Variants in PRKCE observed in about 807,000 individuals in gnomAD.
PRKCE encodes the protein protein kinase C epsilon.
PRKCE carries 16 observed loss-of-function variants against 85.4 expected under a neutral mutation model. That is an observed-to-expected ratio of 0.19 (90% confidence interval 0.13 to 0.28). PRKCE has a LOEUF of 0.28. Among genes scored for constraint, PRKCE ranks in the 10% least tolerant of loss-of-function variants. PRKCE has a pLI of 1.00. For missense variants in PRKCE, 573 were observed against 975.2 expected (o/e 0.59, Z 5.49); for synonymous variants, 388 against 371.5 (o/e 1.04, Z -0.51).
In PRKCE at chr2:45,843,027, T is replaced by C; in HGVS notation, c.376T>C (p.Tyr126His). 6.2e-7 allele frequency: 1 copy of C among 1,614,210 alleles called. No individual in the cohort carries two copies. The highest frequency in any genetic ancestry group is 8.5e-7 in the Non-Finnish European group (1 of 1,180,022). ...TGATCTGGAGCCAGAAGGAAGAGTG[T>C]ATGTGATCATCGATCTCTCAGGGTC... is the stretch of plus-strand genomic sequence containing the variant. ...WIDLEPEGRV[Y>H]VIIDLSGSSG... Residue 126 changes from tyrosine to histidine, a missense_variant, in exon 2 of 15, where the codon TAT (tyrosine) becomes CAT (histidine). Tyr to His is a moderately conservative substitution (Grantham distance 83, BLOSUM62 2). This residue lies in a region of PRKCE where 100 missense variants were observed against 177.1 expected (regional missense o/e 0.56). Coordinates refer to ENST00000306156, the MANE Select transcript of PRKCE (RefSeq NM_005400.3).
At chr2:46,013,509 T>G (rs1705863027) in intron 10 of PRKCE, among the ~76,000 whole-genome samples, 1 of 152,070 alleles carries the variant, frequency 6.6e-6, no homozygotes, top group African/African-American at 2.4e-5. Context: ...TAGAGAGGAT[T>G]TGGACAGGAT....
chr2:46,064,162 A>G (rs1667401978), intron 10 of PRKCE, among the ~76,000 whole-genome samples: 2 of 151,708 alleles, frequency 1.3e-5, no homozygotes, highest in East Asian at 1.9e-4. Context: ...CGTGCCTGTA[A>G]TCCCAGCTAC....
intron 11 of PRKCE, among the ~76,000 whole-genome samples, chr2:46,124,582 C>T (rs2104360498): frequency 6.6e-6 from 1 of 152,276 alleles, no homozygotes; most frequent in Middle Eastern, 3.4e-3. Flanking sequence ...CAGTTAGAGA[C>T]CCCCTCCTTC....
intron 10 of PRKCE, among the ~76,000 whole-genome samples, chr2:46,061,436 TC>T (rs11313133): frequency 0.49 from 72,383 of 146,244 alleles, 17,714 homozygotes; most frequent in African/African-American, 0.64. Context: ...TTCTTTTTTT[TC>T]CCCCCTATAA....
chr2:45,781,675 C>T (rs1035649643), intron 1 of PRKCE, among the ~76,000 whole-genome samples: 1 of 152,068 alleles, frequency 6.6e-6, no homozygotes, highest in Non-Finnish European at 1.5e-5. Flanking sequence ...ATTGGAACAG[C>T]TACATCTGAT....
chr2:45,964,123 C>G (rs953527747), intron 2 of PRKCE, among the ~76,000 whole-genome samples: 1 of 152,166 alleles, frequency 6.6e-6, no homozygotes, highest in South Asian at 2.1e-4. Context: ...GTTGCAGTGC[C>G]TATGGCATTA....
At chr2:45,987,332 T>C (rs575836050) in intron 6 of PRKCE, among the ~76,000 whole-genome samples, 1 of 152,266 alleles carries the variant, frequency 6.6e-6, no homozygotes, top group African/African-American at 2.4e-5. Flanking sequence ...GCATGAGGGC[T>C]AGAAGACGAA....
rs183926540 is a variant in PRKCE at position 46,016,871 on chromosome 2, T to A, written c.1437+6354T>A. 1.1e-3 allele frequency among the ~76,000 whole-genome samples: 153 copies of A among 144,906 alleles called. 1 individual carries two copies. The highest frequency in any genetic ancestry group is 0.01 in the South Asian group (47 of 4,602). On this transcript the variant is annotated intron_variant, in intron 10 of 14. Coordinates refer to ENST00000306156, the MANE Select transcript of PRKCE (RefSeq NM_005400.3). ...TTGCAGTGAGCCGAGATCGTCCCAC[T>A]GCACTCCAGCCTGGGGCAATAGAGC...
chr2:45,985,849 C>A (rs1323320181), intron 6 of PRKCE, among the ~76,000 whole-genome samples: 1 of 152,190 alleles, frequency 6.6e-6, no homozygotes, highest in African/African-American at 2.4e-5. Flanking sequence ...CAAATTGACA[C>A]GAAGCTGTCC....
chr2:46,082,100 A>T (rs996300042), intron 10 of PRKCE, among the ~76,000 whole-genome samples: 1 of 152,090 alleles, frequency 6.6e-6, no homozygotes, highest in African/African-American at 2.4e-5. Flanking sequence ...AAAAAAACTA[A>T]GCAGTGGACT....
intron 2 of PRKCE, among the ~76,000 whole-genome samples, chr2:45,940,156 T>A (rs2711300): frequency 0.16 from 25,005 of 152,178 alleles, 2,764 homozygotes; most frequent in East Asian, 0.55. Context: ...CTCAGACCTC[T>A]TTTCCAGTTC....
chr2:45,941,721 T>C (rs1699890291), intron 2 of PRKCE, among the ~76,000 whole-genome samples: 1 of 152,144 alleles, frequency 6.6e-6, no homozygotes, highest in Non-Finnish European at 1.5e-5. Flanking sequence ...AATTCAAGCA[T>C]GCACTGGAAG....
chr2:45,950,720 GC>G (rs1700562875), intron 2 of PRKCE, among the ~76,000 whole-genome samples: 1 of 152,100 alleles, frequency 6.6e-6, no homozygotes, highest in Admixed American at 6.6e-5. Context: ...ATATCAAGGG[GC>G]GGGGTGCAGA....
At chr2:45,817,066 A>AGTGTGTGTGT (rs200785601) in intron 1 of PRKCE, among the ~76,000 whole-genome samples, 4,430 of 135,812 alleles carry the variant, frequency 0.033, 137 homozygotes, top group African/African-American at 0.066. Context: ...CTGTAAGTAG[A>AGTGTGTGTGT]GTGTGTGTGT....
chr2:46,023,141 TGA>T (rs925891193), intron 10 of PRKCE, among the ~76,000 whole-genome samples: 1 of 147,188 alleles, frequency 6.8e-6, no homozygotes, highest in Non-Finnish European at 1.5e-5. Flanking sequence ...CAAGCTGACT[TGA>T]GAGCTTTGTC....
Position 46,003,403 on chromosome 2 carries a change from C to A in PRKCE, c.967-1139C>A, listed in dbSNP as rs148112562. On this transcript the variant is annotated intron_variant, in intron 7 of 14. Transcript: ENST00000306156. ...CAAAGTGGATATGCCAGCATCTATG[C>A]GAAGGAACAAACCTCACTGGAGGTG... 1.8e-4 allele frequency among the ~76,000 whole-genome samples: 28 copies of A among 152,284 alleles called. 1 individual carries two copies. Among genetic ancestry groups the A allele is most frequent in the African/African-American group, 6.5e-4 (27 of 41,548 alleles).
chr2:45,828,515 A>T (rs935658), intron 1 of PRKCE, among the ~76,000 whole-genome samples: 96,307 of 152,216 alleles, frequency 0.63, 31,831 homozygotes, highest in African/African-American at 0.83. Flanking sequence ...TGATTATGAT[A>T]GAGTAGTGCT....
Position 46,130,640 on chromosome 2 carries a change from A to G in PRKCE, c.1593-14453A>G, listed in dbSNP as rs941853760. On this transcript the variant is annotated intron_variant, in intron 11 of 14. Coordinates refer to ENST00000306156, the MANE Select transcript of PRKCE (RefSeq NM_005400.3). ...CAACAAATTCCACATTCCTTTCTTC[A>G]GTTTGTTCAAAGCACTTGCTTTCTG... Among the ~76,000 whole-genome samples the G allele has an allele frequency of 1.1e-4, 16 of 152,198 alleles. 1 individual carries two copies. The highest frequency in any genetic ancestry group is 4.6e-4 in the Admixed American group (7 of 15,288).
chr2:45,697,418 A>T lies in PRKCE; in HGVS notation c.348+44970A>T, dbSNP rs1247725517. Among the ~76,000 whole-genome samples, 2 of 152,136 alleles carry T rather than the reference A, an allele frequency of 1.3e-5. No individual in the cohort carries two copies. Among genetic ancestry groups the T allele is most frequent in the Non-Finnish European group, 2.9e-5 (2 of 68,008 alleles). On this transcript the variant is annotated intron_variant, in intron 1 of 14. Coordinates refer to ENST00000306156, the MANE Select transcript of PRKCE (RefSeq NM_005400.3). The surrounding 1 kb of genome is among the most constrained non-coding windows in gnomAD (Gnocchi z 4.2). ...TTGGCCAAAATATGAGTGAAAATCC[A>T]TTTTATTTATTTAGCCAGGACAGAT...
Sources: allele counts gnomAD v4.1 joint callset (sites outside exome capture counted in the v4.1 genomes callset), GRCh38; gene constraint gnomAD v4.1.1; regional missense constraint gnomAD v4.1.1; non-coding constraint Gnocchi (gnomAD v3.1); transcripts MANE v1.5; gene names NCBI Gene and HGNC (gene_info 2026-07-23, HGNC 2026-07-21).